The following LIMCH1 variants were observed in gnomAD, a reference collection of about 807,000 sequenced individuals.
LIMCH1 encodes the protein LIM and calponin homology domains-containing protein 1.
In LIMCH1, 113 loss-of-function variants were observed where a neutral mutation model predicts 176.5. The ratio of observed to expected loss-of-function variants is 0.64; its 90% CI spans 0.55 to 0.75. LIMCH1 has a LOEUF of 0.75. Among genes scored for constraint, LIMCH1 ranks in the 30% least tolerant of loss-of-function variants. LIMCH1 has a pLI of 0.00. For synonymous variants in LIMCH1, 619 were observed against 645.9 expected, an observed-to-expected ratio of 0.96 and a Z score of 0.63; for missense variants, 1,674 against 1,814.9, an observed-to-expected ratio of 0.92 and a Z score of 1.41.
chr4:41,572,958 A>G (rs950832135), intron 1 of LIMCH1, among the ~76,000 whole-genome samples: 3 of 152,228 alleles, frequency 2.0e-5, no homozygotes, highest in African/African-American at 7.2e-5. Context: ...ATGGTTATCT[A>G]CAGGAATGGG....
At chr4:41,471,150 CAGTT>C (rs2066905924) in intron 1 of LIMCH1, among the ~76,000 whole-genome samples, 1 of 150,438 alleles carries the variant, frequency 6.6e-6, no homozygotes, top group Non-Finnish European at 1.5e-5. Context: ...AGAATAGCAA[CAGTT>C]AGATCTCAAC....
intron 1 of LIMCH1, among the ~76,000 whole-genome samples, 172 bp downstream of exon 1, chr4:41,538,522 G>C (rs896181875): frequency 2.0e-5 from 3 of 149,874 alleles, no homozygotes; most frequent in Non-Finnish European, 3.0e-5. Context: ...CTTGTCCTTT[G>C]ATAACTGTTA....
At chr4:41,399,840 A>ATTTTTTTTTTTTTTT (rs71198650) in intron 1 of LIMCH1, among the ~76,000 whole-genome samples, 38 of 114,106 alleles carry the variant, frequency 3.3e-4, no homozygotes, top group African/African-American at 7.8e-4. Context: ...TGCCCGGCTA[A>ATTTTTTTTTTTTTTT]TTTTTTTTTT....
intron 1 of LIMCH1, among the ~76,000 whole-genome samples, chr4:41,470,541 G>A (rs2066799159): frequency 1.3e-5 from 2 of 152,122 alleles, no homozygotes; most frequent in African/African-American, 4.8e-5. Context: ...AGTTGACTAT[G>A]CTATTCCTCC....
intron 4 of LIMCH1, chr4:41,613,165 G>A: frequency 7.5e-7 from 1 of 1,325,796 alleles, no homozygotes. Flanking sequence ...CAAACTTTGT[G>A]ATCCTTTCTT....
chr4:41,629,349 C>T, intron 8 of LIMCH1, 143 bp from the exon 9 acceptor site: 3 of 1,000,700 alleles, frequency 3.0e-6, no homozygotes, highest in South Asian at 1.7e-5. Flanking sequence ...CCGTTGATTC[C>T]ATTTTTGAGA....
At chr4:41,360,172 A>C (rs1561113346), upstream of LIMCH1, among the ~76,000 whole-genome samples, 1 of 152,162 alleles carries the variant, frequency 6.6e-6, no homozygotes, top group Non-Finnish European at 1.5e-5. The surrounding 1 kb of genome is among the most constrained non-coding windows in gnomAD (Gnocchi z 4.5). Flanking sequence ...CCTGGAGAAG[A>C]AAAGCTCATC....
chr4:41,636,073 A>AT (rs1308872280), intron 13 of LIMCH1, among the ~76,000 whole-genome samples: 12 of 151,844 alleles, frequency 7.9e-5, no homozygotes, highest in Non-Finnish European at 1.3e-4. Context: ...CACCTGGCTG[A>AT]TTTTTTTGTT....
At chr4:41,514,100 A>C (rs1405411797) in intron 2 of LIMCH1, among the ~76,000 whole-genome samples, 1 of 149,564 alleles carries the variant, frequency 6.7e-6, no homozygotes, top group African/African-American at 2.4e-5. Context: ...AGTCCGTGAT[A>C]GTTCCAAAAC....
At chr4:41,555,618 C>A (rs577213195) in intron 1 of LIMCH1, among the ~76,000 whole-genome samples, 1 of 152,208 alleles carries the variant, frequency 6.6e-6, no homozygotes, top group Admixed American at 6.5e-5. Context: ...CCTTGAGGAG[C>A]TTATCTTCTA....
intron 2 of LIMCH1, among the ~76,000 whole-genome samples, chr4:41,494,927 A>G (rs2071812300): frequency 6.6e-6 from 1 of 152,200 alleles, no homozygotes; most frequent in Non-Finnish European, 1.5e-5. Context: ...GGTAAAAGTA[A>G]AACTTTTCTC....
At chr4:41,429,198 A>T (rs11935261) in intron 1 of LIMCH1, among the ~76,000 whole-genome samples, 32,096 of 151,990 alleles carry the variant, frequency 0.21, 4,053 homozygotes, top group African/African-American at 0.33. Context: ...TTTAATGCGT[A>T]TGTTTTTGTT....
At chr4:41,470,819 T>C (rs2154159166) in intron 1 of LIMCH1, among the ~76,000 whole-genome samples, 1 of 152,154 alleles carries the variant, frequency 6.6e-6, no homozygotes, top group East Asian at 1.9e-4. Flanking sequence ...TCTAGTGGCC[T>C]CTGACCGCAT....
intron 1 of LIMCH1, among the ~76,000 whole-genome samples, chr4:41,366,004 A>G (rs2052911889): frequency 6.6e-6 from 1 of 152,224 alleles, no homozygotes; most frequent in Non-Finnish European, 1.5e-5. Context: ...CAATAGAGCC[A>G]TGATGTAGAC....
chr4:41,524,667 CTTTG>C (rs1053599717), intron 3 of LIMCH1, among the ~76,000 whole-genome samples: 22 of 152,202 alleles, frequency 1.4e-4, no homozygotes, highest in Admixed American at 6.5e-4. Flanking sequence ...GCATGTTAAT[CTTTG>C]TTTGTGTTTT....
chr4:41,504,474 G>T (rs908109508), intron 2 of LIMCH1, among the ~76,000 whole-genome samples: 3 of 152,186 alleles, frequency 2.0e-5, no homozygotes, highest in African/African-American at 4.8e-5. Flanking sequence ...TCCACTCATT[G>T]CAGATAATTC....
At chr4:41,665,676 C>T (rs1014545771) in intron 20 of LIMCH1, among the ~76,000 whole-genome samples, 3 of 152,136 alleles carry the variant, frequency 2.0e-5, no homozygotes, top group Admixed American at 2.0e-4. Flanking sequence ...CTGAAAAAAA[C>T]ATAAATTTAT....
At chr4:41,677,781 G>C (rs1449937427) in intron 23 of LIMCH1, among the ~76,000 whole-genome samples, 1 of 152,118 alleles carries the variant, frequency 6.6e-6, no homozygotes, top group East Asian at 1.9e-4. Context: ...TCCAAGTCTG[G>C]ATGACTTTAA....
intron 1 of LIMCH1, among the ~76,000 whole-genome samples, chr4:41,490,491 A>T (rs2070597431): frequency 3.3e-5 from 5 of 152,094 alleles, no homozygotes; most frequent in Admixed American, 3.3e-4. Context: ...CTTAAGGAGC[A>T]TGCTGTCTTC....
Sources: allele counts gnomAD v4.1 joint callset (sites outside exome capture counted in the v4.1 genomes callset), GRCh38; gene constraint gnomAD v4.1.1; non-coding constraint Gnocchi (gnomAD v3.1); transcripts MANE v1.5; gene names NCBI Gene and HGNC (gene_info 2026-07-23, HGNC 2026-07-21).